Variants in SPOCK1 observed in about 807,000 individuals in gnomAD.
SPOCK1 encodes SPARC (osteonectin), cwcv and kazal like domains proteoglycan 1.
SPOCK1 carries 23 observed loss-of-function variants against 55.3 expected under a neutral mutation model. That is an observed-to-expected ratio of 0.42 (90% CI 0.30 to 0.59). The LOEUF is 0.59. SPOCK1 is among the 20% of genes least tolerant of loss of function. The probability of loss-of-function intolerance (pLI) is 0.22; values close to 1 mark genes in which losing one functional copy is unlikely to be tolerated. For missense variants in SPOCK1, 499 were observed against 552.5 expected (o/e 0.90, Z 0.97); for synonymous variants, 226 against 221.0 (o/e 1.02, Z -0.20).
At chr5:137,461,450 T>C (rs1753487223) in intron 2 of SPOCK1, among the ~76,000 whole-genome samples, 1 of 152,196 alleles carries the variant, frequency 6.6e-6, no homozygotes, top group Admixed American at 6.5e-5. Flanking sequence ...CTTCCAGAAA[T>C]GTCTTCATTA....
At chr5:137,387,628 T>C (rs946170535) in intron 2 of SPOCK1, among the ~76,000 whole-genome samples, 1 of 152,194 alleles carries the variant, frequency 6.6e-6, no homozygotes, top group Admixed American at 6.5e-5. Context: ...GATGTATACA[T>C]GTCAGTATGC....
intron 3 of SPOCK1, among the ~76,000 whole-genome samples, chr5:137,159,231 G>T (rs1754480388): frequency 1.3e-5 from 2 of 152,124 alleles, no homozygotes; most frequent in Non-Finnish European, 1.5e-5. Flanking sequence ...ACATCAGAAG[G>T]AGTTACATGA....
At chr5:137,307,781 A>G (rs1757723314) in intron 2 of SPOCK1, among the ~76,000 whole-genome samples, 1 of 152,182 alleles carries the variant, frequency 6.6e-6, no homozygotes, top group Non-Finnish European at 1.5e-5. Context: ...GATGCCTGAC[A>G]TGGCCTTGAG....
intron 4 of SPOCK1, among the ~76,000 whole-genome samples, chr5:137,122,366 T>C (rs2127038705): frequency 6.6e-6 from 1 of 152,226 alleles, no homozygotes. Context: ...ATTAGGGAAA[T>C]GTAAACGAAC....
At chr5:137,471,674 CATAG>C (rs912766596) in intron 2 of SPOCK1, among the ~76,000 whole-genome samples, 1 of 152,176 alleles carries the variant, frequency 6.6e-6, no homozygotes, top group African/African-American at 2.4e-5. Flanking sequence ...TCCTACCCAG[CATAG>C]ATAATGATGG....
chr5:137,184,233 C>T (rs893341441), intron 3 of SPOCK1, among the ~76,000 whole-genome samples: 1 of 152,206 alleles, frequency 6.6e-6, no homozygotes, highest in African/African-American at 2.4e-5. Context: ...GTTTAAGAGG[C>T]TAGCCAAATA....
At chr5:137,295,968 C>T (rs1757471239) in intron 2 of SPOCK1, among the ~76,000 whole-genome samples, 1 of 152,226 alleles carries the variant, frequency 6.6e-6, no homozygotes, top group East Asian at 1.9e-4. Flanking sequence ...TGATACCTAA[C>T]CCCCAATGTG....
Position 137,429,639 on chromosome 5 carries a change from G to A in SPOCK1, c.186+68734C>T, listed in dbSNP as rs573824929. Among the ~76,000 whole-genome samples, 14 of 152,328 alleles carry A rather than the reference G, an allele frequency of 9.2e-5. No individual in the cohort carries two copies. The East Asian group carries it at 2.3e-3, about 25-fold the overall frequency. ...ACTGAGAAGAATAAACTGAGGCCTA[G>A]AAAAGGAAAGGGGATTTCCCAAAGC... On this transcript the variant is annotated intron_variant, in intron 2 of 10. Transcript: ENST00000394945.
intron 3 of SPOCK1, among the ~76,000 whole-genome samples, chr5:137,176,533 T>C (rs1561637032): frequency 6.6e-6 from 1 of 150,908 alleles, no homozygotes; most frequent in Non-Finnish European, 1.5e-5. Context: ...TGTGTGTAGG[T>C]ACATGTGTAT....
At chr5:137,032,635 A>C (rs1751803562) in intron 6 of SPOCK1, among the ~76,000 whole-genome samples, 1 of 152,178 alleles carries the variant, frequency 6.6e-6, no homozygotes, top group Non-Finnish European at 1.5e-5. Flanking sequence ...AAGCCCAGCA[A>C]TCAGCTAAGG....
intron 3 of SPOCK1, among the ~76,000 whole-genome samples, chr5:137,172,994 T>C (rs968642171): frequency 6.6e-6 from 1 of 152,166 alleles, no homozygotes; most frequent in African/African-American, 2.4e-5. Flanking sequence ...GCACAGAAGA[T>C]ATCCATCTTT....
chr5:137,162,815 A>T (rs1161117927), intron 3 of SPOCK1, among the ~76,000 whole-genome samples: 1 of 152,210 alleles, frequency 6.6e-6, no homozygotes, highest in Admixed American at 6.5e-5. Flanking sequence ...TGAACCTGGC[A>T]GTTGTTGGAG....
intron 3 of SPOCK1, among the ~76,000 whole-genome samples, chr5:137,250,509 T>C (rs1442668496): frequency 1.3e-5 from 2 of 152,182 alleles, no homozygotes; most frequent in Admixed American, 1.3e-4. Flanking sequence ...GTCAATGGCA[T>C]GTCTGAGTCC....
rs1750645144 is a variant in SPOCK1 at position 136,977,702 on chromosome 5, G to T, written c.*952C>A. 5.0e-6 allele frequency: 2 copies of T among 398,178 alleles called. No individual in the cohort carries two copies. Among genetic ancestry groups the T allele is most frequent in the Non-Finnish European group, 8.9e-6 (2 of 225,718 alleles). 24.7% of individuals were successfully genotyped at this position (398,178 alleles called of 1,614,324 possible). Reference sequence around the variant, plus strand: ...AAGCTGCCCGTGTCGTGTGGGAGTCGCATGGCTTCTGCGAGAAAAGTGATT... The same window carrying T: ...AAGCTGCCCGTGTCGTGTGGGAGTCTCATGGCTTCTGCGAGAAAAGTGATT... On this transcript the variant is annotated 3_prime_UTR_variant, in exon 11 of 11. Coordinates refer to ENST00000394945, the MANE Select transcript of SPOCK1 (RefSeq NM_004598.4).
intron 2 of SPOCK1, among the ~76,000 whole-genome samples, chr5:137,397,868 C>T (rs1255422667): frequency 1.3e-5 from 2 of 152,184 alleles, no homozygotes; most frequent in Admixed American, 1.3e-4. Flanking sequence ...CACACCCACC[C>T]TCCTGTCCAC....
intron 3 of SPOCK1, among the ~76,000 whole-genome samples, chr5:137,219,445 G>A (rs142880272): frequency 6.6e-6 from 1 of 152,148 alleles, no homozygotes; most frequent in African/African-American, 2.4e-5. Context: ...CCAGGAATTG[G>A]CATTGCTGCA....
At chr5:137,201,088 G>A (rs1448680286) in intron 3 of SPOCK1, among the ~76,000 whole-genome samples, 1 of 152,212 alleles carries the variant, frequency 6.6e-6, no homozygotes, top group East Asian at 1.9e-4. Context: ...CAAGGCAACT[G>A]TCCTGTTGAG....
At chr5:137,009,783 G>A (rs894742561) in intron 6 of SPOCK1, among the ~76,000 whole-genome samples, 1 of 152,114 alleles carries the variant, frequency 6.6e-6, no homozygotes, top group Non-Finnish European at 1.5e-5. Flanking sequence ...GTGACCTTGG[G>A]CAGGTCTAAA....
chr5:137,099,454 A>G (rs1341266440), intron 5 of SPOCK1, among the ~76,000 whole-genome samples: 1 of 152,136 alleles, frequency 6.6e-6, no homozygotes, highest in Non-Finnish European at 1.5e-5. Flanking sequence ...GAATGAATGC[A>G]CGTTCTCTGT....
Sources: allele counts gnomAD v4.1 joint callset (sites outside exome capture counted in the v4.1 genomes callset), GRCh38; gene constraint gnomAD v4.1.1; transcripts MANE v1.5; gene names NCBI Gene and HGNC (gene_info 2026-07-23, HGNC 2026-07-21).